Variants in MRPL48 observed in about 807,000 individuals in gnomAD.
MRPL48 encodes large ribosomal subunit protein mL48.
In MRPL48, 16 loss-of-function variants were observed where a neutral mutation model predicts 32.9. The observed-to-expected ratio is 0.49, with a 90% CI of 0.33 to 0.74. The LOEUF (loss-of-function observed/expected upper bound fraction) is 0.74, where lower values mean the gene tolerates loss of function less well. Ranked by LOEUF, MRPL48 falls within the 30% of genes least tolerant of loss-of-function variation. The probability of loss-of-function intolerance (pLI) is 0.02; values close to 1 mark genes in which losing one functional copy is unlikely to be tolerated. For synonymous variants in MRPL48, 94 were observed against 89.2 expected, an observed-to-expected ratio of 1.05 and a Z score of -0.31; for missense variants, 206 against 245.3, an observed-to-expected ratio of 0.84 and a Z score of 1.07.
At chr11:73,861,473 G>A (rs1591014244) in intron 6 of MRPL48, among the ~76,000 whole-genome samples, 1 of 152,104 alleles carries the variant, frequency 6.6e-6, no homozygotes, top group East Asian at 1.9e-4. Context: ...GTGTTCAAGC[G>A]GGTCTCCTGC....
At chr11:73,808,229 A>G in intron 2 of MRPL48, 84 bp from the exon 3 acceptor site, 1 of 1,308,026 alleles carries the variant, frequency 7.6e-7, no homozygotes. Flanking sequence ...ATGCATCTTT[A>G]GTGATAGAAT....
chr11:73,812,717 A>AATATATAT (rs370608269), intron 3 of MRPL48, among the ~76,000 whole-genome samples: 2,919 of 135,408 alleles, frequency 0.022, 132 homozygotes, highest in African/African-American at 0.078. Flanking sequence ...CCCATGTCTA[A>AATATATAT]ATATATATAT....
chr11:73,838,060 G>A (rs944663243), intron 4 of MRPL48, among the ~76,000 whole-genome samples: 2 of 152,018 alleles, frequency 1.3e-5, no homozygotes, highest in Non-Finnish European at 2.9e-5. Context: ...CACCATGTTG[G>A]TCAGGCTGGT....
At chr11:73,815,037 C>T (rs1324660812) in intron 3 of MRPL48, among the ~76,000 whole-genome samples, 1 of 149,698 alleles carries the variant, frequency 6.7e-6, no homozygotes, top group Admixed American at 6.6e-5. Context: ...AAAAGTGTTC[C>T]ATCTGGAATT....
intron 3 of MRPL48, among the ~76,000 whole-genome samples, chr11:73,812,614 T>A (rs920824767): frequency 6.6e-6 from 1 of 151,822 alleles, no homozygotes; most frequent in African/African-American, 2.4e-5. Context: ...AGTCCCAGAA[T>A]GGTCCTTTGA....
intron 1 of MRPL48, 83 bp from the exon 2 acceptor site, chr11:73,804,944 G>A: frequency 7.6e-7 from 1 of 1,319,808 alleles, no homozygotes; most frequent in Non-Finnish European, 1.1e-6. Context: ...TTTGTGTACT[G>A]TGGGTTTCTT....
intron 3 of MRPL48, among the ~76,000 whole-genome samples, chr11:73,819,277 C>T (rs1407976455): frequency 6.6e-6 from 1 of 152,160 alleles, no homozygotes; most frequent in Non-Finnish European, 1.5e-5. Flanking sequence ...TGCCTCCTTG[C>T]CAAGGAATTC....
At chr11:73,824,005 A>G (rs1947837771) in intron 3 of MRPL48, among the ~76,000 whole-genome samples, 1 of 151,672 alleles carries the variant, frequency 6.6e-6, no homozygotes, top group Non-Finnish European at 1.5e-5. Context: ...ATATGCGTGC[A>G]CCACCATGCC....
At chr11:73,815,419 A>T (rs1947646272) in intron 3 of MRPL48, among the ~76,000 whole-genome samples, 1 of 152,160 alleles carries the variant, frequency 6.6e-6, no homozygotes, top group Admixed American at 6.5e-5. Flanking sequence ...CATCTCAAAA[A>T]AAAAAAATCT....
intron 2 of MRPL48, among the ~76,000 whole-genome samples, chr11:73,807,486 T>C (rs774934276): frequency 4.0e-5 from 6 of 151,892 alleles, no homozygotes; most frequent in Non-Finnish European, 5.9e-5. Context: ...AAGCACCTCC[T>C]ATGGCACCAT....
rs555599000 is a variant in MRPL48 at position 73,798,203 on chromosome 11, G to A, written c.22-6824G>A. On this transcript the variant is annotated intron_variant, in intron 1 of 7. Transcript: ENST00000310614. Reference sequence around the variant, plus strand: ...AGTGATTCTCCTGCCTCAGTCTCCCGAGTACCTGGGATTACAGGCGCCCAC... The same window carrying A: ...AGTGATTCTCCTGCCTCAGTCTCCCAAGTACCTGGGATTACAGGCGCCCAC... Among the ~76,000 whole-genome samples, 9 of 152,036 alleles carry A rather than the reference G, an allele frequency of 5.9e-5. No individual in the cohort carries two copies. In the South Asian group the frequency reaches 8.3e-4, roughly 14 times the overall value.
At chr11:73,852,393 C>CAAAAAAAAAA (rs10554131) in intron 5 of MRPL48, among the ~76,000 whole-genome samples, 3 of 83,334 alleles carry the variant, frequency 3.6e-5, no homozygotes, top group Non-Finnish European at 7.0e-5. Flanking sequence ...AACTCTATAG[C>CAAAAAAAAAA]AAAAAAAAAA....
intron 5 of MRPL48, among the ~76,000 whole-genome samples, chr11:73,858,725 A>T (rs1948530333): frequency 6.6e-6 from 1 of 152,244 alleles, no homozygotes; most frequent in African/African-American, 2.4e-5. Flanking sequence ...ACACAACACT[A>T]CTACCATATT....
intron 1 of MRPL48, among the ~76,000 whole-genome samples, chr11:73,795,909 G>A (rs1947246719): frequency 6.6e-6 from 1 of 152,094 alleles, no homozygotes; most frequent in Admixed American, 6.5e-5. Flanking sequence ...ATCCCAAAAG[G>A]AAACTCCTTA....
At chr11:73,803,699 C>T (rs1016624432) in intron 1 of MRPL48, among the ~76,000 whole-genome samples, 1 of 151,930 alleles carries the variant, frequency 6.6e-6, no homozygotes, top group African/African-American at 2.4e-5. Flanking sequence ...GCAGGATTTT[C>T]TCTTTATGTT....
intron 1 of MRPL48, among the ~76,000 whole-genome samples, chr11:73,790,062 ATTTT>A (rs34534770): frequency 4.8e-5 from 5 of 103,814 alleles, no homozygotes; most frequent in South Asian, 8.2e-4. Context: ...TGCTCAGCTA[ATTTT>A]TTTTTTTTTT....
intron 4 of MRPL48, among the ~76,000 whole-genome samples, chr11:73,832,150 G>T (rs1424844231): frequency 6.6e-6 from 1 of 152,042 alleles, no homozygotes; most frequent in Non-Finnish European, 1.5e-5. Context: ...CTGTCACCTT[G>T]TCATATGTTC....
intron 2 of MRPL48, among the ~76,000 whole-genome samples, chr11:73,807,839 A>T (rs915920708): frequency 6.6e-6 from 1 of 152,058 alleles, no homozygotes; most frequent in Non-Finnish European, 1.5e-5. Flanking sequence ...GGGTTTCGCC[A>T]TATTGGGCAG....
At position 73,830,038 on chromosome 11, in the gene MRPL48, A is replaced by C. The variant is rs577914872; in HGVS notation, c.201+4242A>C. Among the ~76,000 whole-genome samples the C allele has an allele frequency of 1.8e-3, 273 of 152,346 alleles. 2 individuals carry two copies. The highest frequency in any genetic ancestry group is 3.1e-3 in the Non-Finnish European group (213 of 68,038). Reference sequence around the variant, plus strand: ...CAGCCTCCCAAAGTACTAGGATTACAGGAGTGAGCCACCGTACCTGGCCTT... The same window carrying C: ...CAGCCTCCCAAAGTACTAGGATTACCGGAGTGAGCCACCGTACCTGGCCTT... On this transcript the variant is annotated intron_variant, in intron 4 of 7. Coordinates refer to ENST00000310614, the MANE Select transcript of MRPL48 (RefSeq NM_016055.6).
Sources: gnomAD v4.1 joint callset for allele counts (sites outside exome capture counted in the v4.1 genomes callset) on GRCh38, gnomAD v4.1.1 for gene constraint, MANE v1.5 for transcripts, NCBI Gene and HGNC (gene_info 2026-07-23, HGNC 2026-07-21) for gene names.